PHACTR2: variants seen among roughly 807,000 people sequenced by gnomAD.
PHACTR2 encodes the protein phosphatase and actin regulator 2.
PHACTR2 carries 30 observed loss-of-function variants against 76.0 expected under a neutral mutation model. That is an observed-to-expected ratio of 0.39 (90% confidence interval 0.30 to 0.54). The LOEUF (loss-of-function observed/expected upper bound fraction) is 0.54, where lower values mean the gene tolerates loss of function less well. Among genes scored for constraint, PHACTR2 ranks in the 20% least tolerant of loss-of-function variants. The pLI, the probability that PHACTR2 is intolerant of heterozygous loss-of-function variation, is 0.61. For missense variants in PHACTR2, 696 were observed against 781.1 expected (o/e 0.89, Z 1.30); for synonymous variants, 292 against 292.5 (o/e 1.00, Z 0.02).
Position 143,623,197 on chromosome 6 carries a change from G to C in PHACTR2, c.13+14875G>C, listed in dbSNP as rs2128440480. On this transcript the variant is annotated intron_variant, in intron 1 of 11. Transcript: ENST00000305766. This position sits in a 1 kb window ranked among gnomAD's most constrained non-coding sequence, Gnocchi z 5.9. ...AAACTAAATTAATAAATTAAATATT[G>C]TTATAAGAAAAAAGCCAAATTACCT... Among the ~76,000 whole-genome samples, 1 of 152,022 alleles carries C rather than the reference G, an allele frequency of 6.6e-6. No homozygotes were observed. The highest frequency in any genetic ancestry group is 2.1e-4 in the South Asian group (1 of 4,822).
rs1469329547 is a variant in PHACTR2, at chr6:143,562,680, T to C, written c.217+25473T>C. On this transcript the variant is annotated intron_variant, in intron 1 of 11. Coordinates refer to the PHACTR2 transcript ENST00000367584. The surrounding 1 kb of genome is among the most constrained non-coding windows in gnomAD (Gnocchi z 5.1). ...ATACAATTCATGCCACAGACTCTCA[T>C]TGTGAAAGAAAAAAGCACATTAAAG... is the stretch of plus-strand genomic sequence containing the variant. Among the ~76,000 whole-genome samples, 2 of 152,162 alleles carry C rather than the reference T, an allele frequency of 1.3e-5. No homozygotes were observed. The highest frequency in any genetic ancestry group is 4.8e-5 in the African/African-American group (2 of 41,438).
intron 5 of PHACTR2, among the ~76,000 whole-genome samples, chr6:143,762,935 A>G (rs1288108401): frequency 6.6e-6 from 1 of 152,332 alleles, no homozygotes; most frequent in East Asian, 1.9e-4. Context: ...TGATTTCAAC[A>G]AAGACCTGTT....
intron 1 of PHACTR2, among the ~76,000 whole-genome samples, chr6:143,649,059 A>G (rs1444516204): frequency 6.6e-6 from 1 of 152,054 alleles, no homozygotes; most frequent in Non-Finnish European, 1.5e-5. Context: ...TACACTCAAA[A>G]TGCTTCTGTG....
rs1435030645 is a variant in PHACTR2, at chr6:143,553,025, G to A, written c.217+15818G>A. ...GTCACTTGCCAGGTATTTAAGGAGT[G>A]AAATGAGCAATGATGTTTCATCCAG... On this transcript the variant is annotated intron_variant, in intron 1 of 11. Transcript: ENST00000367584. The surrounding 1 kb of genome is among the most constrained non-coding windows in gnomAD (Gnocchi z 4.2). Among the ~76,000 whole-genome samples, 1 of 152,062 alleles carries A rather than the reference G, an allele frequency of 6.6e-6. No individual in the cohort carries two copies. Among genetic ancestry groups the A allele is most frequent in the Non-Finnish European group, 1.5e-5 (1 of 68,032 alleles).
rs1776487655 is a variant in PHACTR2, at chr6:143,824,148, A to T, written c.*459A>T. On this transcript the variant is annotated 3_prime_UTR_variant, in exon 13 of 13. Coordinates refer to ENST00000440869, the MANE Select transcript of PHACTR2 (RefSeq NM_001100164.2). The surrounding 1 kb of genome is among the most constrained non-coding windows in gnomAD (Gnocchi z 6.3). The stretch of plus-strand genomic sequence containing the variant: ...AAGAAAAGAGAAAATTGAAGCATAA[A>T]TGTATTTTTGAAGTAGTTATTCGGT... The T allele has an allele frequency of 6.2e-6, 1 of 160,934 alleles. No individual in the cohort carries two copies. The allele number at this position is 160,934 out of a possible 1,614,324, so 10.0% of individuals were successfully genotyped here.
At chr6:143,551,804 C>T (rs112131458) in intron 1 of PHACTR2, among the ~76,000 whole-genome samples, 1 of 152,058 alleles carries the variant, frequency 6.6e-6, no homozygotes, top group Non-Finnish European at 1.5e-5. Context: ...ATTGAAAATG[C>T]CCTGTAGAAG....
rs532555210 is a variant in PHACTR2, at chr6:143,613,965, G to C, written c.13+5643G>C. On this transcript the variant is annotated intron_variant, in intron 1 of 11. Coordinates refer to the PHACTR2 transcript ENST00000305766. ...AGGCCGGGCGTGGTGGCTCACATCT[G>C]TGATCTCAGCACTTGGGGAGGCCAA... Among the ~76,000 whole-genome samples, 330 of 152,310 alleles carry C rather than the reference G, an allele frequency of 2.2e-3. 2 individuals carry two copies. The highest frequency in any genetic ancestry group is 3.4e-3 in the Non-Finnish European group (228 of 68,022).
At chr6:143,734,805 A>C (rs528488690) in intron 2 of PHACTR2, among the ~76,000 whole-genome samples, 231 of 152,278 alleles carry the variant, frequency 1.5e-3, no homozygotes, top group African/African-American at 5.2e-3. Flanking sequence ...GCTTGGGTGG[A>C]TAATTTCCTA....
rs563396706 is a variant in PHACTR2, at chr6:143,794,724, A to G, written c.1845+5814A>G. On this transcript the variant is annotated intron_variant, in intron 11 of 12. Coordinates refer to ENST00000440869, the MANE Select transcript of PHACTR2 (RefSeq NM_001100164.2). The surrounding 1 kb of genome is among the most constrained non-coding windows in gnomAD (Gnocchi z 4.1). ...CAGGAGAATCACTTGAACCCAGGAG[A>G]CAGAAGTTGCAGTGAGCTAAGATTA... is the stretch of plus-strand genomic sequence containing the variant. 8.7e-4 allele frequency among the ~76,000 whole-genome samples: 132 copies of G among 152,006 alleles called. No individual in the cohort carries two copies. Among genetic ancestry groups the G allele is most frequent in the Non-Finnish European group, 1.6e-3 (112 of 67,990 alleles).
At position 143,793,613 on chromosome 6, in the gene PHACTR2, A is replaced by C. The variant is rs1775761706; in HGVS notation, c.1845+4703A>C. On this transcript the variant is annotated intron_variant, in intron 11 of 12. Coordinates refer to ENST00000440869, the MANE Select transcript of PHACTR2 (RefSeq NM_001100164.2). The surrounding 1 kb of genome is among the most constrained non-coding windows in gnomAD (Gnocchi z 4.4). ...TTAAGAGGTAGAATTTCTTTTAAAT[A>C]GAAAAAATATTGGCCAGGCATGGTG... Among the ~76,000 whole-genome samples the C allele has an allele frequency of 6.6e-6, 1 of 152,136 alleles. No individual in the cohort carries two copies. Among genetic ancestry groups the C allele is most frequent in the African/African-American group, 2.4e-5 (1 of 41,424 alleles).
intron 1 of PHACTR2, among the ~76,000 whole-genome samples, chr6:143,640,598 C>CCTCA (rs1230601294): frequency 6.6e-6 from 1 of 152,140 alleles, no homozygotes; most frequent in Non-Finnish European, 1.5e-5. Flanking sequence ...CTTGATTGAG[C>CCTCA]CTCAGAACAA....
At chr6:143,718,875 GTTTTTTTTTTT>G (rs1226236202) in intron 2 of PHACTR2, among the ~76,000 whole-genome samples, 1 of 123,510 alleles carries the variant, frequency 8.1e-6, no homozygotes, top group Non-Finnish European at 1.7e-5. Context: ...AGTTGGAAGT[GTTTTTTTTTTT>G]TTTTTTTTTT....
intron 1 of PHACTR2, among the ~76,000 whole-genome samples, chr6:143,544,893 A>G (rs760176778): frequency 1.3e-5 from 2 of 152,174 alleles, no homozygotes; most frequent in Non-Finnish European, 1.5e-5. Context: ...GTGTAAATAG[A>G]AGATTGGGTA....
chr6:143,682,768 G>GT (rs917142991), intron 1 of PHACTR2, among the ~76,000 whole-genome samples: 6 of 145,326 alleles, frequency 4.1e-5, no homozygotes, highest in African/African-American at 1.0e-4. Context: ...AAAAAAAGTT[G>GT]TTTTTTTGTT....
intron 1 of PHACTR2, among the ~76,000 whole-genome samples, chr6:143,638,283 T>C (rs1776500733): frequency 6.6e-6 from 1 of 152,148 alleles, no homozygotes. Flanking sequence ...CTCATGCCTA[T>C]CATCCCAGCA....
intron 1 of PHACTR2, among the ~76,000 whole-genome samples, chr6:143,660,060 C>A (rs1167409426): frequency 6.6e-6 from 1 of 152,238 alleles, no homozygotes; most frequent in Admixed American, 6.5e-5. Context: ...AACTTAAGTG[C>A]TCATTTGTAA....
chr6:143,708,016 A>G lies in PHACTR2; in HGVS notation c.47-4000A>G, dbSNP rs2128460137. ...GGGACGGTGCTAAGCAATTCATGAAAACTCTGCCACCATGATCCATACCTC... is the reference window on the plus strand; with the variant it reads ...GGGACGGTGCTAAGCAATTCATGAAGACTCTGCCACCATGATCCATACCTC... On this transcript the variant is annotated intron_variant, in intron 1 of 12. Transcript: ENST00000440869. This position sits in a 1 kb window ranked among gnomAD's most constrained non-coding sequence, Gnocchi z 5.5. Among the ~76,000 whole-genome samples, 1 of 152,182 alleles carries G rather than the reference A, an allele frequency of 6.6e-6. No individual in the cohort carries two copies. Among genetic ancestry groups the G allele is most frequent in the African/African-American group, 2.4e-5 (1 of 41,518 alleles).
rs1562322811 is a variant in PHACTR2 at position 143,827,188 on chromosome 6, ATATATATATATG to A, written c.*3505_*3516del. 1.5e-5 allele frequency: 2 copies of A among 130,188 alleles called. No individual in the cohort carries two copies. The highest frequency in any genetic ancestry group is 3.3e-5 in the Non-Finnish European group (2 of 60,038). The allele number at this position is 130,188 out of a possible 1,614,324, so 8.1% of individuals were successfully genotyped here. On this transcript the variant is annotated 3_prime_UTR_variant, in exon 13 of 13. Transcript: ENST00000440869. ...TATATATATATATATATATATATAT[ATATATATATATG>A]TATATTATATATACAGTAGCTTACA...
At chr6:143,725,666 C>A (rs1778549439) in intron 2 of PHACTR2, among the ~76,000 whole-genome samples, 1 of 151,750 alleles carries the variant, frequency 6.6e-6, no homozygotes, top group South Asian at 2.1e-4. Context: ...GAAACCCCGT[C>A]TCTACGAAAA....
Sources: gnomAD v4.1 joint callset for allele counts (sites outside exome capture counted in the v4.1 genomes callset) on GRCh38, gnomAD v4.1.1 for gene constraint, Gnocchi (gnomAD v3.1) non-coding constraint, MANE v1.5 for transcripts, NCBI Gene and HGNC (gene_info 2026-07-23, HGNC 2026-07-21) for gene names.